The following KCNC2 variants were observed in gnomAD, a reference collection of about 807,000 sequenced individuals.
KCNC2 encodes the protein potassium voltage-gated channel subfamily C member 2.
A neutral mutation model predicts 44.5 loss-of-function variants in KCNC2; 21 were observed. The ratio of observed to expected loss-of-function variants is 0.47; its 90% CI spans 0.33 to 0.68. The LOEUF is 0.68. Ranked by LOEUF, KCNC2 falls within the 30% of genes least tolerant of loss-of-function variation. The probability of loss-of-function intolerance (pLI) is 0.01; values close to 1 mark genes in which losing one functional copy is unlikely to be tolerated. For synonymous variants in KCNC2, 391 were observed against 339.1 expected, an observed-to-expected ratio of 1.15 and a Z score of -1.68; for missense variants, 589 against 826.2, an observed-to-expected ratio of 0.71 and a Z score of 3.52.
At chr12:75,043,690 A>G (rs1327295660) in intron 4 of KCNC2, 2 of 1,379,312 alleles carry the variant, frequency 1.5e-6, no homozygotes, top group South Asian at 1.7e-5. Flanking sequence ...TTAAGTTTAA[A>G]TGGACAACTC....
chr12:75,047,690 T>A (rs1880682188), intron 4 of KCNC2, among the ~76,000 whole-genome samples: 1 of 151,988 alleles, frequency 6.6e-6, no homozygotes. Flanking sequence ...ATGTACTGGA[T>A]TAGAAACATT....
intron 2 of KCNC2, among the ~76,000 whole-genome samples, chr12:75,058,345 T>C (rs190086889): frequency 2.6e-4 from 39 of 151,816 alleles, no homozygotes; most frequent in Non-Finnish European, 4.4e-4. Flanking sequence ...TTAATATATT[T>C]AATATAAATT....
At chr12:75,126,475 A>T (rs1398598443) in intron 2 of KCNC2, among the ~76,000 whole-genome samples, 2 of 152,170 alleles carry the variant, frequency 1.3e-5, no homozygotes, top group Non-Finnish European at 2.9e-5. Flanking sequence ...GTAACAGAAA[A>T]CTTAAAAACA....
Position 75,188,861 on chromosome 12 carries a change from C to CAATAAATA in KCNC2, c.687+18428_687+18435dup, listed in dbSNP as rs10608827. The stretch of plus-strand genomic sequence containing the variant: ...CTGGTGACAGAGTGAGACTCCATCT[C>CAATAAATA]AATAAATAAATAAATAAATAAATAA... On this transcript the variant is annotated intron_variant, in intron 2 of 4. Coordinates refer to ENST00000549446, the MANE Select transcript of KCNC2 (RefSeq NM_139137.4). 1.7e-3 allele frequency among the ~76,000 whole-genome samples: 244 copies of CAATAAATA among 142,584 alleles called. 3 individuals carry two copies. The highest frequency in any genetic ancestry group is 0.011 in the Middle Eastern group (3 of 274). The allele number at this position is 142,584 out of a possible 152,430, so 93.5% of individuals were successfully genotyped here.
intron 2 of KCNC2, among the ~76,000 whole-genome samples, chr12:75,078,411 TTA>T: frequency 6.6e-6 from 1 of 152,320 alleles, no homozygotes; most frequent in South Asian, 2.1e-4. Context: ...TCTTCTGTAA[TTA>T]TAATGACTGT....
chr12:75,123,656 G>A, intron 2 of KCNC2, among the ~76,000 whole-genome samples: 1 of 152,102 alleles, frequency 6.6e-6, no homozygotes, highest in East Asian at 1.9e-4. Context: ...ACCCAGTATA[G>A]TCTGAGTATA....
At position 75,048,144 on chromosome 12, in the gene KCNC2, C is replaced by T; in HGVS notation, c.1780+9G>A. 1.2e-6 allele frequency: 2 copies of T among 1,611,098 alleles called. No homozygotes were observed. The highest frequency in any genetic ancestry group is 1.7e-6 in the Non-Finnish European group (2 of 1,178,016). On this transcript the variant is annotated intron_variant, in intron 4 of 4. Coordinates refer to ENST00000549446, the MANE Select transcript of KCNC2 (RefSeq NM_139137.4). ...TCACCTGTTATGATCTGATTAAATG[C>T]ATGCCTACCTTTCCTGATCCCTCCA...
At position 75,135,323 on chromosome 12, in the gene KCNC2, T is replaced by C. The variant is rs963315105; in HGVS notation, c.687+71974A>G. On this transcript the variant is annotated intron_variant, in intron 2 of 4. Coordinates refer to ENST00000549446, the MANE Select transcript of KCNC2 (RefSeq NM_139137.4). Reference sequence around the variant, plus strand: ...CAGCTCTGTGTGAATGTGATAATGATGGTAGTTAAATTAATGTGTCTCTCT... The same window carrying C: ...CAGCTCTGTGTGAATGTGATAATGACGGTAGTTAAATTAATGTGTCTCTCT... Among the ~76,000 whole-genome samples, 3 of 151,940 alleles carry C rather than the reference T, an allele frequency of 2.0e-5. No homozygotes were observed. The East Asian group carries it at 5.8e-4, about 29-fold the overall frequency.
intron 2 of KCNC2, among the ~76,000 whole-genome samples, chr12:75,146,297 A>C (rs1363883682): frequency 6.6e-6 from 1 of 152,180 alleles, no homozygotes; most frequent in East Asian, 1.9e-4. Flanking sequence ...GGTTTATTTC[A>C]TTCCCATGAA....
At chr12:75,192,308 G>A (rs919364254) in intron 2 of KCNC2, among the ~76,000 whole-genome samples, 1 of 152,170 alleles carries the variant, frequency 6.6e-6, no homozygotes, top group African/African-American at 2.4e-5. Context: ...CCTGTAATTA[G>A]CAGGACAATC....
chr12:75,042,071 T>C lies in KCNC2; in HGVS notation c.*1034A>G, dbSNP rs543485896. On this transcript the variant is annotated 3_prime_UTR_variant, in exon 5 of 5. Transcript: ENST00000549446. ...TTTAAGGCTAGTCAAAAAAGCCTTC[T>C]GTGAACACCAGTGACATTTGATGTT... 1.2e-5 allele frequency: 14 copies of C among 1,193,842 alleles called. No individual in the cohort carries two copies. In the African/African-American group the frequency reaches 1.9e-4, roughly 16 times the overall value. The allele number at this position is 1,193,842 out of a possible 1,614,324, so 74.0% of individuals were successfully genotyped here.
At chr12:75,174,073 G>T (rs1434762610) in intron 2 of KCNC2, among the ~76,000 whole-genome samples, 2 of 150,956 alleles carry the variant, frequency 1.3e-5, no homozygotes, top group Non-Finnish European at 1.5e-5. Flanking sequence ...TTTAAACAGA[G>T]TAATTTCCTT....
At chr12:75,053,488 C>T (rs911059608) in intron 2 of KCNC2, among the ~76,000 whole-genome samples, 5 of 151,912 alleles carry the variant, frequency 3.3e-5, no homozygotes, top group Admixed American at 2.0e-4. Context: ...ATAAACAGAT[C>T]TAAGACACAA....
chr12:75,119,956 T>G (rs1208207269), intron 2 of KCNC2, among the ~76,000 whole-genome samples: 1 of 152,178 alleles, frequency 6.6e-6, no homozygotes, highest in African/African-American at 2.4e-5. Context: ...AATACAACTA[T>G]AAAACCAAAT....
At chr12:75,154,259 G>A (rs1890609500) in intron 2 of KCNC2, among the ~76,000 whole-genome samples, 1 of 151,944 alleles carries the variant, frequency 6.6e-6, no homozygotes, top group Non-Finnish European at 1.5e-5. Context: ...CACATTTGTT[G>A]TATCAGGAGA....
intron 2 of KCNC2, among the ~76,000 whole-genome samples, chr12:75,072,099 A>T (rs1883479373): frequency 6.6e-6 from 1 of 152,156 alleles, no homozygotes; most frequent in Non-Finnish European, 1.5e-5. Context: ...ATATGTAATT[A>T]TGCTGACATA....
At chr12:75,156,633 C>T (rs957671623) in intron 2 of KCNC2, among the ~76,000 whole-genome samples, 2 of 151,598 alleles carry the variant, frequency 1.3e-5, no homozygotes, top group Non-Finnish European at 2.9e-5. Context: ...TGATGCCTAC[C>T]GTTGAAAGTT....
chr12:75,070,825 T>C (rs1883325555), intron 2 of KCNC2, among the ~76,000 whole-genome samples: 1 of 152,096 alleles, frequency 6.6e-6, no homozygotes, highest in African/African-American at 2.4e-5. Context: ...AATATTTCGA[T>C]AAACTATTTT....
At chr12:75,088,007 T>A (rs535502075) in intron 2 of KCNC2, among the ~76,000 whole-genome samples, 8 of 144,534 alleles carry the variant, frequency 5.5e-5, no homozygotes, top group African/African-American at 1.1e-4. Context: ...AAAAAAAAAA[T>A]GCCTAATAAT....
Sources: gnomAD v4.1 joint callset for allele counts (sites outside exome capture counted in the v4.1 genomes callset) on GRCh38, gnomAD v4.1.1 for gene constraint, MANE v1.5 for transcripts, NCBI Gene and HGNC (gene_info 2026-07-23, HGNC 2026-07-21) for gene names.